SLC13A1: variants seen among roughly 807,000 people sequenced by gnomAD.
SLC13A1 encodes the protein Na(+)/sulfate cotransporter.
A neutral mutation model predicts 70.0 loss-of-function variants in SLC13A1; 65 were observed. The observed-to-expected ratio is 0.93, with a 90% CI of 0.76 to 1.14. SLC13A1 has a LOEUF of 1.14. SLC13A1 is among the 50% of genes most tolerant of loss of function. The pLI, the probability that SLC13A1 is intolerant of heterozygous loss-of-function variation, is 0.00. For synonymous variants in SLC13A1, 275 were observed against 250.5 expected, an observed-to-expected ratio of 1.10 and a Z score of -0.92; for missense variants, 726 against 717.8, an observed-to-expected ratio of 1.01 and a Z score of -0.13.
intron 7 of SLC13A1, among the ~76,000 whole-genome samples, chr7:123,141,314 C>T (rs1794132119): frequency 1.3e-5 from 2 of 152,044 alleles, no homozygotes; most frequent in Admixed American, 6.6e-5. Flanking sequence ...TTTAAGACTC[C>T]TTTTGTGACC....
intron 6 of SLC13A1, among the ~76,000 whole-genome samples, chr7:123,159,655 A>C (rs140211017): frequency 4.1e-4 from 63 of 152,302 alleles, no homozygotes; most frequent in Non-Finnish European, 7.4e-4. Flanking sequence ...AGTATAGAAT[A>C]GACCACCCAT....
At chr7:123,154,368 A>G (rs993558984) in intron 6 of SLC13A1, among the ~76,000 whole-genome samples, 2 of 152,118 alleles carry the variant, frequency 1.3e-5, no homozygotes, top group Non-Finnish European at 2.9e-5. Flanking sequence ...ACATGACCGA[A>G]TGCAGAATCC....
intron 1 of SLC13A1, among the ~76,000 whole-genome samples, chr7:123,194,011 T>C (rs183286132): frequency 7.6e-4 from 116 of 152,262 alleles, no homozygotes; most frequent in African/African-American, 2.6e-3. Flanking sequence ...CGCTAGATCA[T>C]CCTTCACTCA....
chr7:123,198,420 G>T (rs1014297669), intron 1 of SLC13A1, among the ~76,000 whole-genome samples: 1 of 134,366 alleles, frequency 7.4e-6, no homozygotes. Context: ...AATTCTGTAC[G>T]AATTTGAGGG....
At chr7:123,115,747 A>G (rs1181923468) in intron 14 of SLC13A1, 92 bp from the exon 15 acceptor site, 3 of 1,260,016 alleles carry the variant, frequency 2.4e-6, no homozygotes, top group Non-Finnish European at 3.4e-6. Flanking sequence ...CCAAATTTAC[A>G]TGCATCCTAA....
chr7:123,145,439 G>T (rs1290569563), intron 7 of SLC13A1, among the ~76,000 whole-genome samples: 4 of 152,136 alleles, frequency 2.6e-5, no homozygotes, highest in Non-Finnish European at 5.9e-5. Flanking sequence ...ATGGAAACCA[G>T]CAGTTCTCTA....
intron 4 of SLC13A1, 134 bp downstream of exon 4, chr7:123,169,014 C>G: frequency 1.4e-6 from 1 of 734,266 alleles, no homozygotes; most frequent in Admixed American, 2.9e-5. Flanking sequence ...ATACTGAGAA[C>G]TATAGAGGGA....
At chr7:123,128,060 C>T (rs1251172006) in intron 10 of SLC13A1, among the ~76,000 whole-genome samples, 1 of 151,836 alleles carries the variant, frequency 6.6e-6, no homozygotes, top group Admixed American at 6.6e-5. Flanking sequence ...CAATTGATTA[C>T]TGGTATATAA....
intron 6 of SLC13A1, 56 bp downstream of exon 6, chr7:123,168,318 T>C (rs1444271940): frequency 1.7e-6 from 2 of 1,184,538 alleles, no homozygotes; most frequent in Non-Finnish European, 2.4e-6. Flanking sequence ...TGTATCTAAC[T>C]ACAGCTCTAA....
At chr7:123,185,124 A>G (rs576665976) in intron 1 of SLC13A1, among the ~76,000 whole-genome samples, 19 of 152,078 alleles carry the variant, frequency 1.2e-4, no homozygotes, top group Admixed American at 2.6e-4. Context: ...TTATTTTTCA[A>G]TTGGGTTATT....
chr7:123,184,300 C>A (rs1313058331), intron 1 of SLC13A1, among the ~76,000 whole-genome samples: 3 of 152,056 alleles, frequency 2.0e-5, no homozygotes, highest in African/African-American at 7.2e-5. Context: ...TATATCCACT[C>A]TTTTTAGCAT....
chr7:123,137,139 A>G lies in SLC13A1; in HGVS notation c.813-2610T>C, dbSNP rs890232628. The stretch of plus-strand genomic sequence containing the variant: ...TGACATGATCTAATTAGTAATTGAC[A>G]TAAAACAGAATGGCTCCTGGATGCA... On this transcript the variant is annotated intron_variant, in intron 7 of 14. Coordinates refer to ENST00000194130, the MANE Select transcript of SLC13A1 (RefSeq NM_022444.4). 5.9e-5 allele frequency among the ~76,000 whole-genome samples: 9 copies of G among 152,332 alleles called. No homozygotes were observed. In the East Asian group the frequency reaches 1.4e-3, roughly 23 times the overall value.
chr7:123,116,566 A>G (rs1012384850), intron 14 of SLC13A1, among the ~76,000 whole-genome samples: 6 of 152,314 alleles, frequency 3.9e-5, no homozygotes, highest in Non-Finnish European at 8.8e-5. Context: ...CTGTCCATGC[A>G]AGCCAGCCAC....
intron 1 of SLC13A1, among the ~76,000 whole-genome samples, chr7:123,190,928 C>CT (rs986983061): frequency 2.0e-5 from 3 of 151,924 alleles, no homozygotes; most frequent in Non-Finnish European, 4.4e-5. Context: ...ATTTGTTTCT[C>CT]TTTTTTTGTT....
At chr7:123,140,359 C>A (rs531140889) in intron 7 of SLC13A1, among the ~76,000 whole-genome samples, 6 of 152,038 alleles carry the variant, frequency 3.9e-5, no homozygotes, top group African/African-American at 1.4e-4. Flanking sequence ...AGGATTTTTG[C>A]ATCAATATTC....
At chr7:123,168,478 C>A (rs757036846) in intron 5 of SLC13A1, 26 bp downstream of exon 5, 1 of 1,598,476 alleles carries the variant, frequency 6.3e-7, no homozygotes, top group Non-Finnish European at 8.6e-7. Flanking sequence ...TGGAAAAATC[C>A]CAATCAAAAT....
At chr7:123,124,333 T>C (rs1317824358) in intron 11 of SLC13A1, among the ~76,000 whole-genome samples, 1 of 152,140 alleles carries the variant, frequency 6.6e-6, no homozygotes, top group Non-Finnish European at 1.5e-5. Flanking sequence ...TGGGGTCCCA[T>C]AGGAATCAAT....
At position 123,115,222 on chromosome 7, in the gene SLC13A1, C is replaced by T. The variant is rs545974111; in HGVS notation, c.*296G>A. Reference sequence around the variant, plus strand: ...TAAGATGAAACAAATGCTCTAATCTCTTTGAAGGTCAAGTTATAAATTATT... The same window carrying T: ...TAAGATGAAACAAATGCTCTAATCTTTTTGAAGGTCAAGTTATAAATTATT... On this transcript the variant is annotated 3_prime_UTR_variant, in exon 15 of 15. Coordinates refer to ENST00000194130, the MANE Select transcript of SLC13A1 (RefSeq NM_022444.4). The T allele has an allele frequency of 9.9e-6, 2 of 201,150 alleles. No homozygotes were observed. The highest frequency in any genetic ancestry group is 4.6e-5 in the African/African-American group (2 of 43,504). The allele number at this position is 201,150 out of a possible 1,614,324, so 12.5% of individuals were successfully genotyped here.
chr7:123,184,159 A>C (rs1795725494), intron 1 of SLC13A1, among the ~76,000 whole-genome samples: 1 of 152,030 alleles, frequency 6.6e-6, no homozygotes, highest in Non-Finnish European at 1.5e-5. Flanking sequence ...TGACATGTAA[A>C]ATTGTATGTA....
Sources: gnomAD v4.1 joint callset for allele counts (sites outside exome capture counted in the v4.1 genomes callset) on GRCh38, gnomAD v4.1.1 for gene constraint, MANE v1.5 for transcripts, NCBI Gene and HGNC (gene_info 2026-07-23, HGNC 2026-07-21) for gene names.